CDKN2C: variants seen among roughly 807,000 people sequenced by gnomAD.
CDKN2C encodes the protein cyclin dependent kinase inhibitor 2C.
CDKN2C carries 5 observed loss-of-function variants against 11.0 expected under a neutral mutation model. That is an observed-to-expected ratio of 0.45 (90% CI 0.24 to 0.95). The LOEUF (loss-of-function observed/expected upper bound fraction) is 0.95. Among genes scored for constraint, CDKN2C ranks in the 40% least tolerant of loss-of-function variants. The pLI, the probability that CDKN2C is intolerant of heterozygous loss-of-function variation, is 0.21. For missense variants in CDKN2C, 161 were observed against 211.9 expected, an observed-to-expected ratio of 0.76 and a Z score of 1.49; for synonymous variants, 79 against 88.3, an observed-to-expected ratio of 0.89 and a Z score of 0.59.
intron 1 of CDKN2C, among the ~76,000 whole-genome samples, chr1:50,971,781 T>G (rs1645381398): frequency 6.6e-6 from 1 of 152,166 alleles, no homozygotes; most frequent in Admixed American, 6.5e-5. Flanking sequence ...ACTGGGAAAT[T>G]AATAATATTC....
chr1:50,972,776 A>T (rs916133594), intron 1 of CDKN2C, among the ~76,000 whole-genome samples: 8 of 152,182 alleles, frequency 5.3e-5, no homozygotes, highest in Non-Finnish European at 1.2e-4. Context: ...GTATGTTGAT[A>T]GCAAGTGTTA....
At chr1:50,966,034 A>T (rs143702520), upstream of CDKN2C, among the ~76,000 whole-genome samples, 102 of 152,220 alleles carry the variant, frequency 6.7e-4, no homozygotes, top group Non-Finnish European at 1.2e-3. Flanking sequence ...TTCTATGTCA[A>T]TGAGGGAAAA....
intron 1 of CDKN2C, 147 bp from the exon 2 acceptor site, chr1:50,973,746 G>C: frequency 1.1e-6 from 1 of 920,838 alleles, no homozygotes; most frequent in South Asian, 1.4e-5. Flanking sequence ...TTCTGCATTT[G>C]ACCCCTTCAA....
Position 50,974,298 on chromosome 1 carries a change from T to C in CDKN2C, c.*28T>C. The C allele has an allele frequency of 6.6e-7, 1 of 1,522,846 alleles. No individual in the cohort carries two copies. The highest frequency in any genetic ancestry group is 8.8e-7 in the Non-Finnish European group (1 of 1,137,474). The allele number at this position is 1,522,846 out of a possible 1,614,324, so 94.3% of individuals were successfully genotyped here. A position where few individuals can be genotyped will look rare whatever the true frequency, so the allele number is the denominator to read the frequency against. ...GTGGGGAGGGCTCCCCCACGTTGCC[T>C]CTACTTTATCAATTAACTGAGTAGC... On this transcript the variant is annotated 3_prime_UTR_variant, in exon 2 of 2. Coordinates refer to ENST00000371761, the MANE Select transcript of CDKN2C (RefSeq NM_078626.3).
chr1:50,973,025 T>C (rs1405391578), intron 1 of CDKN2C, among the ~76,000 whole-genome samples: 1 of 152,166 alleles, frequency 6.6e-6, no homozygotes. Flanking sequence ...TATAATGTAA[T>C]AGGGTGACTA....
chr1:50,962,951 T>G (rs548202434), intron 1 of CDKN2C, among the ~76,000 whole-genome samples: 12 of 152,276 alleles, frequency 7.9e-5, no homozygotes, highest in Non-Finnish European at 1.5e-4. Context: ...AAAGGCTCTC[T>G]GGTTCTATTT....
chr1:50,970,341 C>A lies in CDKN2C; in HGVS notation c.-28C>A, dbSNP rs1188274704. 1.2e-6 allele frequency: 2 copies of A among 1,613,546 alleles called. No homozygotes were observed. The highest frequency in any genetic ancestry group is 2.7e-5 in the African/African-American group (2 of 74,896). On this transcript the variant is annotated 5_prime_UTR_variant, in exon 1 of 2. Coordinates refer to ENST00000371761, the MANE Select transcript of CDKN2C (RefSeq NM_078626.3). ...GGAAAAAGAAAAACGACTAATTCAT[C>A]TTTTCCTGATCGTCAGGACCCTAAA...
chr1:50,971,704 C>A (rs900829054), intron 1 of CDKN2C, among the ~76,000 whole-genome samples: 1 of 152,104 alleles, frequency 6.6e-6, no homozygotes, highest in Non-Finnish European at 1.5e-5. Flanking sequence ...ATATAAACTT[C>A]ACAAAGAATG....
chr1:50,963,201 A>G (rs1645333623), intron 1 of CDKN2C, among the ~76,000 whole-genome samples: 1 of 152,140 alleles, frequency 6.6e-6, no homozygotes. Flanking sequence ...GCTCCAGTAA[A>G]TTTTGTAATT....
rs199638281 is a variant in CDKN2C at position 50,974,082 on chromosome 1, T to G, written c.319T>G (p.Leu107Val). 33 of 1,614,072 alleles carry G rather than the reference T, an allele frequency of 2.0e-5. No individual in the cohort carries two copies. Among genetic ancestry groups the G allele is most frequent in the Non-Finnish European group, 2.7e-5 (32 of 1,180,028 alleles). Reference protein sequence around the residue: ...NIEDNEGNLPLHLAAKEGHLR... With the variant: ...NIEDNEGNLPVHLAAKEGHLR... ...CGAGGATAATGAAGGGAACCTGCCC[T>G]TGCACTTGGCTGCCAAAGAAGGCCA... The change falls in exon 2 of 2, where the codon TTG becomes GTG. Residue 107 changes from leucine (L) to valine (V), a missense_variant. Physicochemically the swap from Leu to Val is conservative, Grantham distance 32. Coordinates refer to ENST00000371761, the MANE Select transcript of CDKN2C (RefSeq NM_078626.3).
At chr1:50,968,988 T>C (rs1645364229), upstream of CDKN2C, 1 of 153,280 alleles carries the variant, frequency 6.5e-6, no homozygotes, top group Non-Finnish European at 1.4e-5. Context: ...AAACTGTCAC[T>C]GGGAGCGGTG....
chr1:50,971,925 C>T (rs918472078), intron 1 of CDKN2C, among the ~76,000 whole-genome samples: 4 of 152,130 alleles, frequency 2.6e-5, no homozygotes, highest in Admixed American at 6.5e-5. Flanking sequence ...CACACAGAAA[C>T]TGGAGTTTCA....
At chr1:50,968,342 C>G (rs1257864178), upstream of CDKN2C, 1 of 152,502 alleles carries the variant, frequency 6.6e-6, no homozygotes, top group East Asian at 1.9e-4. Context: ...GCGTACGCTG[C>G]GGAGCCTCAA....
chr1:50,972,067 GTTTA>G (rs1397393282), intron 1 of CDKN2C, among the ~76,000 whole-genome samples: 1 of 152,032 alleles, frequency 6.6e-6, no homozygotes, highest in African/African-American at 2.4e-5. Context: ...CTACAATTAT[GTTTA>G]TTTAACTCAA....
intron 1 of CDKN2C, among the ~76,000 whole-genome samples, chr1:50,970,867 T>A (rs1645375755): frequency 6.6e-6 from 1 of 152,346 alleles, no homozygotes; most frequent in African/African-American, 2.4e-5. Flanking sequence ...GTAAATACAC[T>A]GCTATTAGTG....
At chr1:50,961,627 C>G (rs1390358986) in intron 1 of CDKN2C, among the ~76,000 whole-genome samples, 1 of 152,220 alleles carries the variant, frequency 6.6e-6, no homozygotes, top group African/African-American at 2.4e-5. Flanking sequence ...TCCTGTAGAG[C>G]TAAAATAACT....
chr1:50,964,096 T>TA (rs1409500505), intron 1 of CDKN2C, among the ~76,000 whole-genome samples: 1 of 152,222 alleles, frequency 6.6e-6, no homozygotes, highest in East Asian at 1.9e-4. Context: ...TCTCTAATGT[T>TA]ACCATCTTAT....
At chr1:50,973,219 C>G (rs1645389962) in intron 1 of CDKN2C, among the ~76,000 whole-genome samples, 1 of 152,098 alleles carries the variant, frequency 6.6e-6, no homozygotes, top group South Asian at 2.1e-4. Context: ...TTGAATACAC[C>G]TAGTAGCCAA....
At chr1:50,969,462 G>A (rs892341465), upstream of CDKN2C, 2 of 152,094 alleles carry the variant, frequency 1.3e-5, no homozygotes, top group Non-Finnish European at 1.5e-5. The surrounding 1 kb of genome is among the most constrained non-coding windows in gnomAD (Gnocchi z 6.6). Context: ...GGGACCTGGC[G>A]GGGCCGGCAT....
Sources: gnomAD v4.1 joint callset for allele counts (sites outside exome capture counted in the v4.1 genomes callset) on GRCh38, gnomAD v4.1.1 for gene constraint, Gnocchi (gnomAD v3.1) non-coding constraint, MANE v1.5 for transcripts, NCBI Gene and HGNC (gene_info 2026-07-23, HGNC 2026-07-21) for gene names.